SVIL: variants seen among roughly 807,000 people sequenced by gnomAD.
The protein encoded by SVIL is supervillin, also known as archvillin.
In SVIL, 101 loss-of-function variants were observed where a neutral mutation model predicts 240.4. The observed-to-expected ratio is 0.42, with a 90% CI of 0.36 to 0.50. SVIL has a LOEUF of 0.50. Ranked by LOEUF, SVIL falls within the 20% of genes least tolerant of loss-of-function variation. The pLI, the probability that SVIL is intolerant of heterozygous loss-of-function variation, is 0.01. For synonymous variants in SVIL, 999 were observed against 1,100.0 expected, an observed-to-expected ratio of 0.91 and a Z score of 1.82; for missense variants, 2,512 against 2,818.7, an observed-to-expected ratio of 0.89 and a Z score of 2.46.
At chr10:29,641,635 T>G (rs1958490196) in intron 3 of SVIL, among the ~76,000 whole-genome samples, 1 of 152,176 alleles carries the variant, frequency 6.6e-6, no homozygotes, top group African/African-American at 2.4e-5. Flanking sequence ...AGACTATACT[T>G]AGAATCATTG....
chr10:29,719,909 A>AT (rs1389811650), intron 1 of SVIL, among the ~76,000 whole-genome samples: 6 of 152,246 alleles, frequency 3.9e-5, no homozygotes, highest in Admixed American at 3.9e-4. Context: ...TAAAGAAATA[A>AT]TGGCTGAAAA....
chr10:29,606,354 G>T (rs1448820506), intron 1 of SVIL, among the ~76,000 whole-genome samples: 2 of 152,080 alleles, frequency 1.3e-5, no homozygotes, highest in Non-Finnish European at 2.9e-5. Flanking sequence ...CAATATTTTT[G>T]ATTTTGAAAA....
chr10:29,557,810 C>T (rs1954077902), intron 3 of SVIL, among the ~76,000 whole-genome samples: 1 of 152,112 alleles, frequency 6.6e-6, no homozygotes, highest in Non-Finnish European at 1.5e-5. Context: ...GAGAAATTCT[C>T]AGGATAGGAT....
At chr10:29,608,927 A>C (rs1311367055) in intron 1 of SVIL, among the ~76,000 whole-genome samples, 1 of 152,176 alleles carries the variant, frequency 6.6e-6, no homozygotes, top group Non-Finnish European at 1.5e-5. Flanking sequence ...AACTTCACTG[A>C]TGCCTTTTGG....
rs763548544 is a variant in SVIL, at chr10:29,486,127, G to A, written c.4737C>T (p.Tyr1579=). Residue 1579 remains tyrosine (Y), a synonymous_variant, in exon 26 of 38, where the codon TAC becomes TAT. Transcript: ENST00000355867. ...GGGAGCACTTCGGAATTTTCCCCCA[G>A]TAGTCGTCATCAGGAACAAGTTTGT... is the stretch of plus-strand genomic sequence containing the variant. ...MDDKLVPDDD[Y]WGKIPKCSLL... is the part of the protein sequence containing the mutation. The A allele has an allele frequency of 3.5e-5, 56 of 1,614,076 alleles. No homozygotes were observed. The highest frequency in any genetic ancestry group is 1.6e-4 in the Middle Eastern group (1 of 6,084).
intron 23 of SVIL, among the ~76,000 whole-genome samples, chr10:29,488,175 C>A (rs1947602735): frequency 6.6e-6 from 1 of 152,020 alleles, no homozygotes; most frequent in Non-Finnish European, 1.5e-5. Context: ...GTGTCTTCCT[C>A]CCCAGTTCTG....
At chr10:29,531,190 C>A (rs1245262027) in intron 10 of SVIL, 64 bp downstream of exon 10, 3 of 1,542,596 alleles carry the variant, frequency 1.9e-6, no homozygotes, top group Non-Finnish European at 2.7e-6. Context: ...AGCCAAAAAC[C>A]TTATTATTAA....
At chr10:29,517,481 A>G (rs1950287227) in intron 16 of SVIL, among the ~76,000 whole-genome samples, 1 of 152,150 alleles carries the variant, frequency 6.6e-6, no homozygotes, top group South Asian at 2.1e-4. Flanking sequence ...GTAAAGGGGA[A>G]CTGCCGCTCT....
At chr10:29,518,843 G>A (rs561896622) in intron 16 of SVIL, among the ~76,000 whole-genome samples, 2 of 152,292 alleles carry the variant, frequency 1.3e-5, no homozygotes, top group Admixed American at 6.5e-5. Flanking sequence ...GTGACAGAGC[G>A]AGACTCCATC....
At chr10:29,576,117 T>A (rs771341658) in intron 1 of SVIL, 88 of 985,220 alleles carry the variant, frequency 8.9e-5, no homozygotes, top group Non-Finnish European at 1.0e-4. Context: ...CCCGAATACG[T>A]TTGGCTTCAT....
chr10:29,544,747 C>A (rs527689724), intron 6 of SVIL, among the ~76,000 whole-genome samples: 1 of 120,140 alleles, frequency 8.3e-6, no homozygotes, highest in East Asian at 2.4e-4. Flanking sequence ...CAGAGTGAGA[C>A]CTTTTCTAAA....
At position 29,470,318 on chromosome 10, in the gene SVIL, G is replaced by T; in HGVS notation, c.5801C>A (p.Thr1934Lys). The T allele has an allele frequency of 6.2e-7, 1 of 1,614,158 alleles. No homozygotes were observed. The highest frequency in any genetic ancestry group is 8.5e-7 in the Non-Finnish European group (1 of 1,180,038). Residue 1934 changes from threonine (T) to lysine (K), a missense_variant, in exon 32 of 38, where the codon ACG becomes AAG. By Grantham distance (78) the Thr-to-Lys change is moderately conservative. Transcript: ENST00000355867. The stretch of plus-strand genomic sequence containing the variant: ...CGCAGCGGTCCTTCCGACCTCCTTC[G>T]TGTGGGCCTGGGCTTTGCATCCGTG... Reference protein sequence around the residue: ...LWHGCKAQAHTKEVGRTAANK... With the variant: ...LWHGCKAQAHKKEVGRTAANK...
At chr10:29,465,490 A>G in intron 34 of SVIL, 105 bp downstream of exon 34, 1 of 1,396,314 alleles carries the variant, frequency 7.2e-7, no homozygotes. Flanking sequence ...CTGGGAATGT[A>G]CTTGGCAAAC....
intron 1 of SVIL, among the ~76,000 whole-genome samples, chr10:29,591,382 CA>C: frequency 6.6e-6 from 1 of 152,142 alleles, no homozygotes. Flanking sequence ...CCAGGGAATC[CA>C]AACTAAGAGG....
chr10:29,708,333 G>A (rs1229759546), intron 1 of SVIL, among the ~76,000 whole-genome samples: 1 of 142,792 alleles, frequency 7.0e-6, no homozygotes, highest in Non-Finnish European at 1.5e-5. Context: ...GAAAACAAAA[G>A]ATTTTGGCCA....
At chr10:29,501,162 A>G (rs1948859654) in intron 17 of SVIL, among the ~76,000 whole-genome samples, 3 of 150,668 alleles carry the variant, frequency 2.0e-5, no homozygotes. Flanking sequence ...GAGATATGAC[A>G]ACCAAACGCG....
At position 29,523,493 on chromosome 10, in the gene SVIL, C is replaced by T. The variant is rs7070135; in HGVS notation, c.3121G>A (p.Val1041Met). 6.2e-7 allele frequency: 1 copy of T among 1,612,756 alleles called. No homozygotes were observed. Among genetic ancestry groups the T allele is most frequent in the Non-Finnish European group, 8.5e-7 (1 of 1,179,398 alleles). Residue 1041 changes from valine (V) to methionine (M), a missense_variant, in exon 15 of 38, where the codon GTG (valine) becomes ATG (methionine). Transcript: ENST00000355867. ...CTTTTCATAACATTCTCCACCTCCA[C>T]CTTCTCTTCAAAGGGCAGCCTGTCC... is the stretch of plus-strand genomic sequence containing the variant. ...LRDRLPFEEK[V>M]EVENVMKRKF...
chr10:29,695,788 GTCTCCC>G lies in SVIL; in HGVS notation c.-399-9143_-399-9138del, dbSNP rs1210241064. Among the ~76,000 whole-genome samples the G allele has an allele frequency of 2.7e-5, 4 of 147,136 alleles. No individual in the cohort carries two copies. The South Asian group carries it at 6.5e-4, about 24-fold the overall frequency. ...AAAATAAGATGTACAAACAGCTCCC[GTCTCCC>G]TCTCCCTCTCCCGTCTCCCTCTCCC... is the stretch of plus-strand genomic sequence containing the variant. On this transcript the variant is annotated intron_variant, in intron 1 of 35. Transcript: ENST00000375400.
intron 1 of SVIL, among the ~76,000 whole-genome samples, chr10:29,702,032 G>C (rs188935719): frequency 7.2e-5 from 11 of 151,820 alleles, no homozygotes; most frequent in Admixed American, 3.9e-4. Context: ...AAAATTAGCC[G>C]GGCGTGGTGG....
Sources: allele counts gnomAD v4.1 joint callset (sites outside exome capture counted in the v4.1 genomes callset), GRCh38; gene constraint gnomAD v4.1.1; transcripts MANE v1.5; gene names NCBI Gene and HGNC (gene_info 2026-07-23, HGNC 2026-07-21).